RNF144A: variants seen among roughly 807,000 people sequenced by gnomAD.
The protein encoded by RNF144A is E3 ubiquitin-protein ligase RNF144A.
RNF144A carries 11 observed loss-of-function variants against 38.7 expected under a neutral mutation model. The ratio of observed to expected loss-of-function variants is 0.28; its 90% CI spans 0.18 to 0.47. The LOEUF (loss-of-function observed/expected upper bound fraction) is 0.47, where lower values mean the gene tolerates loss of function less well. Among genes scored for constraint, RNF144A ranks in the 20% least tolerant of loss-of-function variants. The pLI is 0.99. For missense variants in RNF144A, 316 were observed against 377.2 expected (o/e 0.84, Z 1.34); for synonymous variants, 149 against 143.9 (o/e 1.04, Z -0.25).
the RNF144A span, among the ~76,000 whole-genome samples, chr2:7,075,451 A>G: frequency 3.9e-5 from 6 of 152,270 alleles, no homozygotes; most frequent in East Asian, 1.2e-3. Context: ...CTAAATCTCT[A>G]AATTTATATG....
chr2:7,060,723 A>C (rs915599110), intron 6 of RNF144A, among the ~76,000 whole-genome samples: 11 of 152,160 alleles, frequency 7.2e-5, no homozygotes, highest in African/African-American at 2.2e-4. Flanking sequence ...ACCTGCAAGA[A>C]TTTATAACCT....
intron 7 of RNF144A, among the ~76,000 whole-genome samples, chr2:7,028,226 C>T (rs903457232): frequency 6.6e-6 from 1 of 152,182 alleles, no homozygotes; most frequent in African/African-American, 2.4e-5. Flanking sequence ...AGCCAGGTTA[C>T]TACCAAAGAC....
At chr2:7,073,403 T>G in the RNF144A span, among the ~76,000 whole-genome samples, 3 of 142,186 alleles carry the variant, frequency 2.1e-5, no homozygotes, top group African/African-American at 8.3e-5. Flanking sequence ...AAGGCCAACA[T>G]GAGGTCAGAA....
At chr2:7,062,497 TAAA>T (rs70942688) in intron 6 of RNF144A, among the ~76,000 whole-genome samples, 44 of 113,424 alleles carry the variant, frequency 3.9e-4, no homozygotes, top group South Asian at 5.7e-4. Flanking sequence ...TGCTGGGTGC[TAAA>T]AAAAAAAAAA....
At chr2:7,032,680 C>A (rs189501617) in intron 8 of RNF144A, among the ~76,000 whole-genome samples, 2 of 152,348 alleles carry the variant, frequency 1.3e-5, no homozygotes, top group East Asian at 3.9e-4. Context: ...CCAAATCCCC[C>A]CTTTCTATCA....
rs930388510 is a variant in RNF144A at position 7,010,936 on chromosome 2, G to A, written c.136-3518G>A. The stretch of plus-strand genomic sequence containing the variant: ...CTCTTTCCCCTACACTGGGCTGTGC[G>A]GGTCTCAATAGCATTTGCAGCATTG... On this transcript the variant is annotated intron_variant, in intron 3 of 8. Coordinates refer to ENST00000320892, the MANE Select transcript of RNF144A (RefSeq NM_014746.6). Among the ~76,000 whole-genome samples, 10 of 152,158 alleles carry A rather than the reference G, an allele frequency of 6.6e-5. No homozygotes were observed. The South Asian group carries it at 8.3e-4, about 13-fold the overall frequency.
intron 5 of RNF144A, among the ~76,000 whole-genome samples, chr2:7,017,306 T>C (rs1485884344): frequency 7.2e-5 from 9 of 124,604 alleles, no homozygotes; most frequent in Non-Finnish European, 1.5e-4. Context: ...TGTATTGTTT[T>C]TTTTTTTGTT....
At chr2:7,072,351 CAG>C (rs1224852899), downstream of RNF144A, among the ~76,000 whole-genome samples, 5 of 152,174 alleles carry the variant, frequency 3.3e-5, no homozygotes, top group African/African-American at 1.2e-4. Flanking sequence ...AGATGTTTAA[CAG>C]AGGAAATTTC....
chr2:6,921,338 G>A (rs1231513691), intron 1 of RNF144A, among the ~76,000 whole-genome samples: 1 of 152,234 alleles, frequency 6.6e-6, no homozygotes, highest in Non-Finnish European at 1.5e-5. Flanking sequence ...TTGGTGGCAT[G>A]CAGTGTGTCA....
In RNF144A at chr2:6,944,417, A is replaced by C. The variant is rs189508056; in HGVS notation, c.-12+3270A>C. Among the ~76,000 whole-genome samples, 4 of 152,100 alleles carry C rather than the reference A, an allele frequency of 2.6e-5. No individual in the cohort carries two copies. Among genetic ancestry groups the C allele is most frequent in the Admixed American group, 2.6e-4 (4 of 15,290 alleles). On this transcript the variant is annotated intron_variant, in intron 2 of 8. Transcript: ENST00000320892. This position sits in a 1 kb window ranked among gnomAD's most constrained non-coding sequence, Gnocchi z 4.7. ...TTCCCCTCCACTTACCCGATTGCCT[A>C]CTTACCCCTTTGGTGATACTGGGAA...
intron 2 of RNF144A, among the ~76,000 whole-genome samples, chr2:6,970,038 G>A (rs1667906934): frequency 6.6e-6 from 1 of 152,226 alleles, no homozygotes; most frequent in Non-Finnish European, 1.5e-5. Context: ...GGGATTACAG[G>A]CGTAAGCCAC....
exon 7 of RNF144A, chr2:7,068,235 A>G: frequency 7.7e-7 from 1 of 1,302,544 alleles, no homozygotes; most frequent in Non-Finnish European, 1.0e-6. Context: ...ATCTTAGAGA[A>G]ATGCATTCTC....
intron 6 of RNF144A, among the ~76,000 whole-genome samples, chr2:7,059,928 T>A (rs887518901): frequency 1.3e-5 from 2 of 152,258 alleles, no homozygotes; most frequent in Non-Finnish European, 2.9e-5. Flanking sequence ...AATAAAGTTA[T>A]GTTGTTGTGG....
chr2:6,946,200 A>C (rs574370599), intron 2 of RNF144A, among the ~76,000 whole-genome samples: 1 of 152,374 alleles, frequency 6.6e-6, no homozygotes, highest in African/African-American at 2.4e-5. Flanking sequence ...AGAACTTCAT[A>C]GACACATGCA....
intron 6 of RNF144A, among the ~76,000 whole-genome samples, chr2:7,057,401 G>T (rs1673782395): frequency 6.6e-6 from 1 of 152,184 alleles, no homozygotes; most frequent in South Asian, 2.1e-4. Context: ...TTTCTAATCT[G>T]GAGGAAATTG....
At chr2:7,007,481 G>A (rs996543001) in intron 3 of RNF144A, among the ~76,000 whole-genome samples, 8 of 152,080 alleles carry the variant, frequency 5.3e-5, no homozygotes, top group Admixed American at 1.3e-4. Context: ...TCTTAAATTC[G>A]CACACACTCG....
intron 8 of RNF144A, among the ~76,000 whole-genome samples, chr2:7,036,126 C>T (rs971910298): frequency 2.0e-5 from 3 of 152,176 alleles, no homozygotes; most frequent in African/African-American, 7.2e-5. Flanking sequence ...GCTGTGCACA[C>T]GATTGCATGA....
At chr2:6,951,459 G>T (rs1666673572) in intron 2 of RNF144A, among the ~76,000 whole-genome samples, 1 of 152,112 alleles carries the variant, frequency 6.6e-6, no homozygotes, top group South Asian at 2.1e-4. Context: ...AGAGATTTTA[G>T]AGTTAGTTTA....
chr2:7,010,262 G>A (rs1191549842), intron 3 of RNF144A, among the ~76,000 whole-genome samples: 1 of 152,222 alleles, frequency 6.6e-6, no homozygotes, highest in African/African-American at 2.4e-5. Flanking sequence ...AAAGGTCCAT[G>A]CTAGAGCCAC....
Sources: gnomAD v4.1 joint callset for allele counts (sites outside exome capture counted in the v4.1 genomes callset) on GRCh38, gnomAD v4.1.1 for gene constraint, Gnocchi (gnomAD v3.1) non-coding constraint, MANE v1.5 for transcripts, NCBI Gene and HGNC (gene_info 2026-07-23, HGNC 2026-07-21) for gene names.